The following TMCC1 variants were observed in gnomAD, a reference collection of about 807,000 sequenced individuals.
TMCC1 encodes the protein transmembrane and coiled-coil domain family 1.
TMCC1 carries 15 observed loss-of-function variants against 52.4 expected under a neutral mutation model. The observed-to-expected ratio is 0.29, with a 90% CI of 0.19 to 0.44. The LOEUF is 0.44. Among genes scored for constraint, TMCC1 ranks in the 20% least tolerant of loss-of-function variants. The pLI, the probability that TMCC1 is intolerant of heterozygous loss-of-function variation, is 1.00. For synonymous variants in TMCC1, 279 were observed against 301.9 expected (o/e 0.92, Z 0.79); for missense variants, 503 against 806.0 (o/e 0.62, Z 4.55).
intron 4 of TMCC1, among the ~76,000 whole-genome samples, chr3:129,687,182 T>C (rs1388273563): frequency 6.6e-6 from 1 of 152,162 alleles, no homozygotes; most frequent in Non-Finnish European, 1.5e-5. Flanking sequence ...CAGGTGTCAA[T>C]GGATCTCTTC....
chr3:129,872,607 G>A (rs2060982058), intron 2 of TMCC1, among the ~76,000 whole-genome samples: 1 of 152,134 alleles, frequency 6.6e-6, no homozygotes, highest in African/African-American at 2.4e-5. Context: ...TCCATATCCT[G>A]TTTTTGAATG....
At chr3:129,754,068 G>A (rs983508088) in intron 4 of TMCC1, among the ~76,000 whole-genome samples, 9 of 152,038 alleles carry the variant, frequency 5.9e-5, no homozygotes, top group African/African-American at 1.9e-4. Context: ...AAAAGTCAAT[G>A]GTATTCCTAT....
chr3:129,874,751 G>T (rs2061110380), intron 2 of TMCC1, among the ~76,000 whole-genome samples: 1 of 151,764 alleles, frequency 6.6e-6, no homozygotes, highest in African/African-American at 2.4e-5. Context: ...TAGCTACTTG[G>T]GAGGGTGAGG....
At chr3:129,855,659 A>C (rs763317165) in intron 2 of TMCC1, among the ~76,000 whole-genome samples, 3 of 152,132 alleles carry the variant, frequency 2.0e-5, no homozygotes, top group Admixed American at 6.6e-5. Context: ...CTTGGCCTAA[A>C]AACAACAACA....
chr3:129,865,020 T>C (rs1442616042), intron 2 of TMCC1, among the ~76,000 whole-genome samples: 1 of 152,080 alleles, frequency 6.6e-6, no homozygotes, highest in African/African-American at 2.4e-5. Context: ...ACAGGAGACT[T>C]TGTTCTAGGT....
intron 4 of TMCC1, among the ~76,000 whole-genome samples, chr3:129,792,354 A>G (rs947220445): frequency 1.3e-5 from 2 of 151,936 alleles, no homozygotes; most frequent in Admixed American, 6.6e-5. Context: ...ATTTGCTGAT[A>G]TATTTTTTTT....
At chr3:129,825,906 T>G (rs903488848) in intron 4 of TMCC1, among the ~76,000 whole-genome samples, 1 of 152,196 alleles carries the variant, frequency 6.6e-6, no homozygotes, top group Non-Finnish European at 1.5e-5. Context: ...GATGTACACT[T>G]AAAACTGGTG....
In TMCC1 at chr3:129,844,168, A is replaced by G. The variant is rs537130483; in HGVS notation, c.-183-11342T>C. On this transcript the variant is annotated intron_variant, in intron 2 of 6. Transcript: ENST00000393238. ...GCAGAAAACACATTAGACTATTCCA[A>G]TATCTATTTACGATAAATACTCCCA... 4.6e-5 allele frequency among the ~76,000 whole-genome samples: 7 copies of G among 152,326 alleles called. No homozygotes were observed. The South Asian group carries it at 1.4e-3, about 32-fold the overall frequency.
intron 4 of TMCC1, among the ~76,000 whole-genome samples, chr3:129,808,825 T>A (rs75230791): frequency 0.016 from 2,331 of 144,002 alleles, 45 homozygotes; most frequent in African/African-American, 0.057. Context: ...AATAGCAGCA[T>A]AAGCATGTTA....
intron 4 of TMCC1, among the ~76,000 whole-genome samples, chr3:129,697,995 T>C (rs2108965006): frequency 6.6e-6 from 1 of 152,290 alleles, no homozygotes; most frequent in African/African-American, 2.4e-5. Flanking sequence ...CATTTTCCTA[T>C]CTTCTTCTGA....
chr3:129,760,422 GTGTGTGTGTGTGTT>G (rs2053440259), intron 4 of TMCC1, among the ~76,000 whole-genome samples: 2 of 149,540 alleles, frequency 1.3e-5, no homozygotes, highest in South Asian at 2.2e-4. Flanking sequence ...GTGTGTGTGT[GTGTGTGTGTGTGTT>G]TTTGAGACAG....
intron 4 of TMCC1, among the ~76,000 whole-genome samples, chr3:129,798,607 G>C (rs1265321900): frequency 6.7e-6 from 1 of 149,276 alleles, no homozygotes; most frequent in Non-Finnish European, 1.5e-5. Flanking sequence ...TCACTAACAA[G>C]GCAACCTGCT....
intron 4 of TMCC1, among the ~76,000 whole-genome samples, chr3:129,706,269 T>A (rs2048236974): frequency 6.6e-6 from 1 of 151,778 alleles, no homozygotes. Context: ...CAGTGCGCGA[T>A]CTCGGCTTAC....
chr3:129,804,556 T>C (rs62265583), intron 4 of TMCC1, among the ~76,000 whole-genome samples: 9,510 of 152,220 alleles, frequency 0.062, 377 homozygotes, highest in South Asian at 0.094. Flanking sequence ...AGGAAACACA[T>C]AGGAAAATTA....
intron 2 of TMCC1, among the ~76,000 whole-genome samples, chr3:129,869,252 G>C (rs533413171): frequency 4.5e-4 from 68 of 152,204 alleles, no homozygotes; most frequent in Admixed American, 4.4e-3. Flanking sequence ...AATACATGGA[G>C]GTGCTGGGAG....
Position 129,651,609 on chromosome 3 carries a change from C to T in TMCC1, c.1834G>A (p.Val612Ile). The T allele has an allele frequency of 6.2e-7, 1 of 1,614,198 alleles. No individual in the cohort carries two copies. The change falls in exon 7 of 7, where the codon GTC becomes ATC. Residue 612 changes from valine (V) to isoleucine (I), a missense_variant. By Grantham distance (29) the Val-to-Ile change is conservative. Around this residue, in one of 7 missense-constraint regions of TMCC1, gnomAD observed 50 missense variants for 62.6 expected, o/e 0.80. Transcript: ENST00000393238. The surrounding 1 kb of genome is among the most constrained non-coding windows in gnomAD (Gnocchi z 5.1). ...CTGTTGCGAGTCTTCATGAGGGGGACCACACAGTTGGCTACAGTGGAGACA... is the reference window on the plus strand; with the variant it reads ...CTGTTGCGAGTCTTCATGAGGGGGATCACACAGTTGGCTACAGTGGAGACA... ...VFVSTVANCVVPLMKTRNRTF... is the reference protein window; with the variant it reads ...VFVSTVANCVIPLMKTRNRTF...
intron 2 of TMCC1, among the ~76,000 whole-genome samples, chr3:129,869,437 G>A (rs2060812466): frequency 6.6e-6 from 1 of 152,136 alleles, no homozygotes; most frequent in Non-Finnish European, 1.5e-5. Flanking sequence ...TGAGGAAGGG[G>A]TCACGAGAAC....
At chr3:129,781,371 A>AAT (rs1300783809) in intron 4 of TMCC1, among the ~76,000 whole-genome samples, 1 of 152,200 alleles carries the variant, frequency 6.6e-6, no homozygotes, top group African/African-American at 2.4e-5. Flanking sequence ...GAATAAAGCA[A>AAT]ATAGTACTGG....
intron 2 of TMCC1, among the ~76,000 whole-genome samples, chr3:129,835,738 T>C (rs180962827): frequency 5.1e-4 from 77 of 152,338 alleles, no homozygotes; most frequent in African/African-American, 1.7e-3. Context: ...ATGCACAGAC[T>C]ATTTCATTCT....
Sources: allele counts gnomAD v4.1 joint callset (sites outside exome capture counted in the v4.1 genomes callset), GRCh38; gene constraint gnomAD v4.1.1; regional missense constraint gnomAD v4.1.1; non-coding constraint Gnocchi (gnomAD v3.1); transcripts MANE v1.5; gene names NCBI Gene and HGNC (gene_info 2026-07-23, HGNC 2026-07-21).